DUS2: variants seen among roughly 807,000 people sequenced by gnomAD.
DUS2 encodes the protein dihydrouridine synthase 2.
DUS2 carries 52 observed loss-of-function variants against 71.3 expected under a neutral mutation model. The ratio of observed to expected loss-of-function variants is 0.73; its 90% CI spans 0.58 to 0.92. The LOEUF is 0.92. Ranked by LOEUF, DUS2 falls within the 40% of genes least tolerant of loss-of-function variation. DUS2 has a pLI of 0.00. For missense variants in DUS2, 558 were observed against 622.6 expected (o/e 0.90, Z 1.10); for synonymous variants, 204 against 227.8 (o/e 0.90, Z 0.94).
intron 3 of DUS2, among the ~76,000 whole-genome samples, chr16:68,040,725 C>G (rs564314654): frequency 6.6e-6 from 1 of 151,344 alleles, no homozygotes; most frequent in Non-Finnish European, 1.5e-5. Context: ...ACTGGGCCCC[C>G]GGGCATGGCT....
chr16:68,036,247 C>T (rs1307321667), intron 2 of DUS2, among the ~76,000 whole-genome samples: 13 of 151,646 alleles, frequency 8.6e-5, no homozygotes, highest in South Asian at 8.3e-4. Flanking sequence ...TGCAATCTTC[C>T]GCCTCCTGGG....
chr16:68,057,547 ACAGAGTG>A (rs2033878227), intron 7 of DUS2, among the ~76,000 whole-genome samples: 1 of 151,950 alleles, frequency 6.6e-6, no homozygotes, highest in Admixed American at 6.6e-5. Flanking sequence ...AGTCTGGGCA[ACAGAGTG>A]AAACCCTGTC....
chr16:68,066,166 G>A (rs2034002008), intron 8 of DUS2, 151 bp from the exon 9 acceptor site: 1 of 756,438 alleles, frequency 1.3e-6, no homozygotes. Flanking sequence ...GCTTATGTGT[G>A]TATGTGTGTA....
Position 68,079,015 on chromosome 16 carries a change from A to G in DUS2, c.*29A>G. The G allele has an allele frequency of 6.6e-7, 1 of 1,519,074 alleles. No homozygotes were observed. Among genetic ancestry groups the G allele is most frequent in the Admixed American group, 2.1e-5 (1 of 48,152 alleles). 94.1% of individuals were successfully genotyped at this position (1,519,074 alleles called of 1,614,324 possible). A position where few individuals can be genotyped will look rare whatever the true frequency, so the allele number is the denominator to read the frequency against. On this transcript the variant is annotated 3_prime_UTR_variant, in exon 17 of 17. Coordinates refer to ENST00000565263, the MANE Select transcript of DUS2 (RefSeq NM_017803.5). Reference sequence around the variant, plus strand: ...CTCTTCCTGCCTTAGTCACCCCTCCATGGGCCTGGTGCTAAGGTGGCTGTG... The same window carrying G: ...CTCTTCCTGCCTTAGTCACCCCTCCGTGGGCCTGGTGCTAAGGTGGCTGTG...
chr16:68,035,830 A>G (rs1676400729), intron 2 of DUS2, among the ~76,000 whole-genome samples: 1 of 137,650 alleles, frequency 7.3e-6, no homozygotes, highest in African/African-American at 2.8e-5. Flanking sequence ...TTCTCGTGCC[A>G]CAGCTTCCCG....
At chr16:68,078,233 AG>A (rs2034186199) in intron 15 of DUS2, 1 of 593,062 alleles carries the variant, frequency 1.7e-6, no homozygotes, top group Non-Finnish European at 3.0e-6. Flanking sequence ...CGCTTTGCTT[AG>A]GTCTGTGACA....
rs375612184 is a variant in DUS2 at position 68,060,594 on chromosome 16, G to A, written c.370-472G>A. ...TTCCCAAAGTGCTGGAATTACAGGCGTGAGCCACCACGCCCAGCCTATACA... is the reference window on the plus strand; with the variant it reads ...TTCCCAAAGTGCTGGAATTACAGGCATGAGCCACCACGCCCAGCCTATACA... On this transcript the variant is annotated intron_variant, in intron 7 of 16. Transcript: ENST00000565263. Among the ~76,000 whole-genome samples, 6 of 152,274 alleles carry A rather than the reference G, an allele frequency of 3.9e-5. No individual in the cohort carries two copies. The East Asian group carries it at 7.7e-4, about 20-fold the overall frequency.
chr16:68,032,008 A>G (rs1021907312), intron 2 of DUS2, among the ~76,000 whole-genome samples: 1 of 152,164 alleles, frequency 6.6e-6, no homozygotes, highest in Non-Finnish European at 1.5e-5. Flanking sequence ...GTTACTGTCT[A>G]AGAAATTGAG....
In DUS2 at chr16:68,037,993, CTTTT is replaced by C. The variant is rs569037112; in HGVS notation, c.-18-7_-18-4del. On this transcript the variant is annotated splice_polypyrimidine_tract_variant and intron_variant, in intron 2 of 16. Transcript: ENST00000565263. Reference sequence around the variant, plus strand: ...TTTGAATTTCTGACTCTTGTTTCCTCTTTTTTTTTCAGGCTGTAACAGAGGAGGA... The same window carrying C: ...TTTGAATTTCTGACTCTTGTTTCCTCTTTTTCAGGCTGTAACAGAGGAGGA... 6.4e-7 allele frequency: 1 copy of C among 1,565,024 alleles called. No homozygotes were observed. Among genetic ancestry groups the C allele is most frequent in the Non-Finnish European group, 8.7e-7 (1 of 1,150,456 alleles).
At chr16:68,055,411 G>A (rs748241528) in intron 6 of DUS2, among the ~76,000 whole-genome samples, 1 of 152,020 alleles carries the variant, frequency 6.6e-6, no homozygotes, top group Admixed American at 6.6e-5. Context: ...CCTCCATTGC[G>A]CCACTGGACT....
intron 8 of DUS2, among the ~76,000 whole-genome samples, chr16:68,065,406 G>C (rs536596480): frequency 6.6e-6 from 1 of 151,480 alleles, no homozygotes; most frequent in African/African-American, 2.4e-5. Context: ...AAACAGGGAT[G>C]GGCTAGGTGC....
chr16:68,031,929 A>G (rs1567468745), intron 2 of DUS2, among the ~76,000 whole-genome samples: 1 of 151,918 alleles, frequency 6.6e-6, no homozygotes, highest in Admixed American at 6.6e-5. Flanking sequence ...TCCTGATCTC[A>G]GGTGATCCTC....
intron 1 of DUS2, among the ~76,000 whole-genome samples, chr16:68,024,226 A>G (rs1351088351): frequency 6.6e-6 from 1 of 151,388 alleles, no homozygotes; most frequent in East Asian, 1.9e-4. Context: ...CCTCCCAAGT[A>G]GCTGAGACTA....
intron 4 of DUS2, among the ~76,000 whole-genome samples, chr16:68,052,105 A>G (rs546306186): frequency 6.6e-6 from 1 of 151,712 alleles, no homozygotes; most frequent in Admixed American, 6.6e-5. Context: ...GAGTTTCACC[A>G]TGTTGCCCAG....
At chr16:68,026,970 A>T (rs1047073413) in intron 2 of DUS2, 1 of 150,592 alleles carries the variant, frequency 6.6e-6, no homozygotes, top group Admixed American at 6.6e-5. Flanking sequence ...ATTATTTCCT[A>T]ATCAGTATCC....
At chr16:68,048,568 C>G (rs544735331) in intron 3 of DUS2, among the ~76,000 whole-genome samples, 1 of 152,284 alleles carries the variant, frequency 6.6e-6, no homozygotes, top group East Asian at 1.9e-4. Flanking sequence ...CACAGAAACA[C>G]CTAGAGCATT....
intron 10 of DUS2, among the ~76,000 whole-genome samples, chr16:68,069,807 T>C (rs2151424943): frequency 6.6e-6 from 1 of 152,280 alleles, no homozygotes; most frequent in Admixed American, 6.5e-5. Flanking sequence ...CCCTCATCTC[T>C]GGCAGAGGCA....
chr16:68,038,684 C>G (rs1473474539), intron 3 of DUS2, among the ~76,000 whole-genome samples: 1 of 148,218 alleles, frequency 6.7e-6, no homozygotes, highest in Non-Finnish European at 1.5e-5. Flanking sequence ...GAGCAAAGAT[C>G]ACGCCACTGC....
At chr16:68,070,459 G>A (rs541374916) in intron 11 of DUS2, among the ~76,000 whole-genome samples, 16 of 152,198 alleles carry the variant, frequency 1.1e-4, no homozygotes, top group Non-Finnish European at 1.9e-4. Flanking sequence ...ACAGAGCAGG[G>A]GGTCCTTGGA....
Sources: allele counts gnomAD v4.1 joint callset (sites outside exome capture counted in the v4.1 genomes callset), GRCh38; gene constraint gnomAD v4.1.1; transcripts MANE v1.5; gene names NCBI Gene and HGNC (gene_info 2026-07-23, HGNC 2026-07-21).